The following ADCY5 variants were observed in gnomAD, a reference collection of about 807,000 sequenced individuals.
ADCY5 encodes the protein adenylate cyclase 5, also known as adenylate cyclase type 5.
A neutral mutation model predicts 119.7 loss-of-function variants in ADCY5; 30 were observed. The ratio of observed to expected loss-of-function variants is 0.25; its 90% CI spans 0.19 to 0.34. The LOEUF is 0.34. Ranked by LOEUF, ADCY5 falls within the 10% of genes least tolerant of loss-of-function variation. ADCY5 has a pLI of 1.00. For synonymous variants in ADCY5, 753 were observed against 762.2 expected (o/e 0.99, Z 0.20); for missense variants, 1,324 against 1,775.2 (o/e 0.75, Z 4.57).
rs1942631205 is a variant in ADCY5, at chr3:123,347,875, C to T, written c.1313G>A (p.Arg438His). ...TGCTTTCATCTCCATGGCAACATGA[C>T]GGGGAAGGACAGACAGCAGGAGCCG... ...QERLLLSVLP[R>H]HVAMEMKADI... Residue 438 changes from arginine (R) to histidine (H), a missense_variant, in exon 3 of 21, where the codon CGT becomes CAT. Arg to His is a conservative substitution (Grantham distance 29). Around this residue, in one of 6 missense-constraint regions of ADCY5, gnomAD observed 123 missense variants for 287.9 expected, o/e 0.43. Coordinates refer to ENST00000462833, the MANE Select transcript of ADCY5 (RefSeq NM_183357.3). 1.9e-6 allele frequency: 3 copies of T among 1,614,064 alleles called. No homozygotes were observed. Among genetic ancestry groups the T allele is most frequent in the East Asian group, 2.2e-5 (1 of 44,854 alleles).
intron 8 of ADCY5, among the ~76,000 whole-genome samples, chr3:123,321,918 T>A (rs1464498506): frequency 6.6e-6 from 1 of 152,136 alleles, no homozygotes; most frequent in African/African-American, 2.4e-5. Flanking sequence ...TCTGAGCTCC[T>A]CCCGGGCTGC....
rs754682016 is a variant in ADCY5, at chr3:123,347,849, C to G, written c.1339G>C (p.Asp447His). ...ATATCCTCCTGCTTGGCGTTGATGT[C>G]TGCTTTCATCTCCATGGCAACATGA... is the stretch of plus-strand genomic sequence containing the variant. ...PRHVAMEMKA[D>H]INAKQEDMMF... The change falls in exon 3 of 21, where the codon GAC (aspartate) becomes CAC (histidine). Residue 447 changes from aspartate to histidine, a missense_variant. Asp to His is a moderately conservative substitution (Grantham distance 81). This residue lies in a region of ADCY5 where 123 missense variants were observed against 287.9 expected (regional missense o/e 0.43). Transcript: ENST00000462833. 3.7e-6 allele frequency: 6 copies of G among 1,614,016 alleles called. No individual in the cohort carries two copies. The highest frequency in any genetic ancestry group is 1.3e-5 in the African/African-American group (1 of 74,894).
At chr3:123,376,846 T>G (rs1311111554) in intron 1 of ADCY5, among the ~76,000 whole-genome samples, 1 of 152,242 alleles carries the variant, frequency 6.6e-6, no homozygotes, top group Non-Finnish European at 1.5e-5. Flanking sequence ...AGCCTAATTT[T>G]AGACAATAGT....
At chr3:123,394,198 T>C (rs115851971) in intron 1 of ADCY5, among the ~76,000 whole-genome samples, 1,737 of 152,328 alleles carry the variant, frequency 0.011, 41 homozygotes, top group African/African-American at 0.039. Context: ...TAATTTTCTC[T>C]CTTCTCTTAA....
At chr3:123,446,342 T>C (rs1198642735) in intron 1 of ADCY5, among the ~76,000 whole-genome samples, 1 of 152,186 alleles carries the variant, frequency 6.6e-6, no homozygotes, top group East Asian at 1.9e-4. Context: ...AGAGGTTCTA[T>C]TCGAGAAGGC....
At chr3:123,396,279 GAGAGGGAA>G (rs1944561014) in intron 1 of ADCY5, among the ~76,000 whole-genome samples, 1 of 146,164 alleles carries the variant, frequency 6.8e-6, no homozygotes, top group African/African-American at 2.5e-5. Flanking sequence ...GAGAAAGAGA[GAGAGGGAA>G]AGAGGGAAAA....
At chr3:123,353,214 C>T (rs1942904954) in intron 1 of ADCY5, among the ~76,000 whole-genome samples, 1 of 149,956 alleles carries the variant, frequency 6.7e-6, no homozygotes, top group Non-Finnish European at 1.5e-5. Context: ...CTGCCATTTC[C>T]CCCGCTCCCC....
rs116041599 is a variant in ADCY5, at chr3:123,390,338, C to T, written c.1135-37757G>A. 9.1e-3 allele frequency among the ~76,000 whole-genome samples: 1,384 copies of T among 152,306 alleles called. 14 individuals carry two copies. The highest frequency in any genetic ancestry group is 0.031 in the African/African-American group (1,293 of 41,558). On this transcript the variant is annotated intron_variant, in intron 1 of 20. Transcript: ENST00000462833. ...CCCAGTTTGGTGTCCATCTTTTGCT[C>T]ACCCTAAATGAATGCCTCCACTGCG...
intron 1 of ADCY5, among the ~76,000 whole-genome samples, chr3:123,386,114 G>T (rs535365643): frequency 2.1e-4 from 32 of 152,322 alleles, no homozygotes; most frequent in African/African-American, 7.2e-4. Context: ...TCCAGGCCAG[G>T]AGGAGGTCAG....
intron 9 of ADCY5, 101 bp downstream of exon 9, chr3:123,320,648 G>C (rs936417200): frequency 2.0e-5 from 29 of 1,465,154 alleles, no homozygotes; most frequent in Admixed American, 1.0e-4. Context: ...ACTGCAAGAG[G>C]AGTCATTTTC....
chr3:123,320,404 G>C (rs1298716947), intron 9 of ADCY5, among the ~76,000 whole-genome samples: 1 of 152,222 alleles, frequency 6.6e-6, no homozygotes, highest in Admixed American at 6.5e-5. Context: ...GGGAGAAGAG[G>C]GCATTGCCTC....
intron 1 of ADCY5, among the ~76,000 whole-genome samples, chr3:123,361,988 T>A (rs1029717674): frequency 2.0e-5 from 3 of 152,236 alleles, no homozygotes; most frequent in Admixed American, 2.0e-4. Context: ...GCTCTCTACC[T>A]GTATCAGTAT....
Position 123,296,068 on chromosome 3 carries a change from C to A in ADCY5, c.3063+16G>T. ...CAAATGCCTCCCTCCCCAGGTCCAG[C>A]CCCAGGGCCACCCACCTGCAGTTTC... On this transcript the variant is annotated intron_variant, in intron 17 of 20. Coordinates refer to ENST00000462833, the MANE Select transcript of ADCY5 (RefSeq NM_183357.3). 1 of 1,613,148 alleles carries A rather than the reference C, an allele frequency of 6.2e-7. No homozygotes were observed. The highest frequency in any genetic ancestry group is 1.7e-5 in the Admixed American group (1 of 59,986).
chr3:123,443,199 G>A (rs190158461), intron 1 of ADCY5, among the ~76,000 whole-genome samples: 105 of 152,270 alleles, frequency 6.9e-4, no homozygotes, highest in African/African-American at 2.3e-3. Context: ...GAGCAGGTAG[G>A]TAGCAGGAAA....
intron 1 of ADCY5, among the ~76,000 whole-genome samples, chr3:123,440,305 G>T (rs1945701906): frequency 6.6e-6 from 1 of 152,228 alleles, no homozygotes; most frequent in Non-Finnish European, 1.5e-5. Flanking sequence ...AAAGTGTGAG[G>T]TCAGGAGGCC....
intron 1 of ADCY5, among the ~76,000 whole-genome samples, chr3:123,437,040 C>T (rs916573348): frequency 1.3e-5 from 2 of 151,904 alleles, no homozygotes; most frequent in Non-Finnish European, 2.9e-5. Context: ...GAGGTGACCC[C>T]GGGAAACATT....
At chr3:123,395,660 T>G (rs1179267656) in intron 1 of ADCY5, among the ~76,000 whole-genome samples, 4 of 151,940 alleles carry the variant, frequency 2.6e-5, no homozygotes, top group Non-Finnish European at 5.9e-5. Context: ...GGAGGATTGC[T>G]TGAGTCCAGG....
chr3:123,323,796 A>G (rs576021903), intron 8 of ADCY5, among the ~76,000 whole-genome samples: 2 of 152,176 alleles, frequency 1.3e-5, no homozygotes, highest in African/African-American at 4.8e-5. Flanking sequence ...AGTAGCTAGG[A>G]CTGAAGGAGC....
intron 1 of ADCY5, among the ~76,000 whole-genome samples, chr3:123,411,846 C>A (rs1340135818): frequency 6.6e-6 from 1 of 152,170 alleles, no homozygotes; most frequent in Non-Finnish European, 1.5e-5. Flanking sequence ...CCGTTGACAG[C>A]ACAACAGAGT....
Sources: allele counts gnomAD v4.1 joint callset (sites outside exome capture counted in the v4.1 genomes callset), GRCh38; gene constraint gnomAD v4.1.1; regional missense constraint gnomAD v4.1.1; transcripts MANE v1.5; gene names NCBI Gene and HGNC (gene_info 2026-07-23, HGNC 2026-07-21).